The following AKAP13 variants were observed in gnomAD, a reference collection of about 807,000 sequenced individuals.
The protein encoded by AKAP13 is A-kinase anchor protein 13.
Under a neutral mutation model 264.5 loss-of-function variants are expected in AKAP13, and 80 were observed. The observed-to-expected ratio is 0.30, with a 90% CI of 0.25 to 0.36. The LOEUF (loss-of-function observed/expected upper bound fraction) is 0.36. Among genes scored for constraint, AKAP13 ranks in the 10% least tolerant of loss-of-function variants. The pLI is 1.00. For missense variants in AKAP13, 3,712 were observed against 3,435.2 expected (o/e 1.08, Z -2.01); for synonymous variants, 1,380 against 1,250.2 (o/e 1.10, Z -2.19).
intron 1 of AKAP13, among the ~76,000 whole-genome samples, chr15:85,422,866 T>G (rs1421667327): frequency 2.6e-5 from 4 of 152,246 alleles, no homozygotes; most frequent in Non-Finnish European, 5.9e-5. Flanking sequence ...AGTACAATAT[T>G]AATCTGCAGG....
chr15:85,684,724 T>G lies in AKAP13; in HGVS notation c.5157-17T>G. 1 of 1,599,492 alleles carries G rather than the reference T, an allele frequency of 6.3e-7. No homozygotes were observed. The highest frequency in any genetic ancestry group is 8.5e-7 in the Non-Finnish European group (1 of 1,175,628). ...TGTAGCCCTTTAAAAAAAATCAATC[T>G]TCTTGTTTTTATTTAGTATAACAGA... On this transcript the variant is annotated splice_polypyrimidine_tract_variant and intron_variant, in intron 15 of 36. Transcript: ENST00000394518.
At chr15:85,687,728 T>C (rs2085025110) in intron 16 of AKAP13, among the ~76,000 whole-genome samples, 1 of 150,858 alleles carries the variant, frequency 6.6e-6, no homozygotes, top group South Asian at 2.1e-4. Context: ...CTTTTGTCAA[T>C]GTAGCAAAAG....
At chr15:85,383,472 GATA>G (rs2070394026) in intron 1 of AKAP13, among the ~76,000 whole-genome samples, 1 of 152,188 alleles carries the variant, frequency 6.6e-6, no homozygotes, top group Non-Finnish European at 1.5e-5. Flanking sequence ...TAGCTGTAAT[GATA>G]ATAATTTTGG....
At chr15:85,682,404 TATTA>T (rs766843557) in intron 15 of AKAP13, among the ~76,000 whole-genome samples, 192 bp downstream of exon 15, 46 of 152,344 alleles carry the variant, frequency 3.0e-4, no homozygotes, top group African/African-American at 9.1e-4. Context: ...TCAGTAGTTT[TATTA>T]ATTATACTGT....
At chr15:85,681,709 A>G (rs1053400818) in intron 14 of AKAP13, among the ~76,000 whole-genome samples, 20 of 114,772 alleles carry the variant, frequency 1.7e-4, no homozygotes, top group African/African-American at 5.8e-4. Context: ...TTCTCATGAA[A>G]ATATTAGAGA....
chr15:85,418,537 A>G (rs1436801791), intron 1 of AKAP13, among the ~76,000 whole-genome samples: 1 of 152,226 alleles, frequency 6.6e-6, no homozygotes, highest in Non-Finnish European at 1.5e-5. Context: ...ATACCTGTGC[A>G]GTGGCCAGTA....
At chr15:85,736,934 T>TC (rs1263759111) in intron 33 of AKAP13, among the ~76,000 whole-genome samples, 5 of 138,936 alleles carry the variant, frequency 3.6e-5, no homozygotes, top group East Asian at 4.0e-4. Flanking sequence ...TTTTTTTTTT[T>TC]CTGGGGATGG....
intron 2 of AKAP13, among the ~76,000 whole-genome samples, chr15:85,499,991 A>C (rs958577803): frequency 1.3e-5 from 2 of 152,208 alleles, no homozygotes; most frequent in African/African-American, 4.8e-5. Context: ...TCCAAGTAGA[A>C]TTAAAGCTGT....
chr15:85,625,940 T>C (rs1432434255), intron 8 of AKAP13, among the ~76,000 whole-genome samples: 1 of 152,254 alleles, frequency 6.6e-6, no homozygotes, highest in East Asian at 1.9e-4. Flanking sequence ...GGAGATGTTT[T>C]GTAATCAACT....
intron 1 of AKAP13, among the ~76,000 whole-genome samples, chr15:85,421,910 G>A (rs2150901693): frequency 1.3e-5 from 2 of 152,328 alleles, no homozygotes; most frequent in East Asian, 1.9e-4. Flanking sequence ...CACCATTCGT[G>A]CTCCATAAGG....
At chr15:85,505,901 G>A (rs374557199) in intron 2 of AKAP13, among the ~76,000 whole-genome samples, 1 of 152,166 alleles carries the variant, frequency 6.6e-6, no homozygotes, top group East Asian at 1.9e-4. Context: ...ACTTCTTAAG[G>A]GCAACTGAGC....
intron 1 of AKAP13, among the ~76,000 whole-genome samples, chr15:85,420,192 C>G (rs796333434): frequency 6.6e-6 from 1 of 151,766 alleles, no homozygotes; most frequent in Non-Finnish European, 1.5e-5. Context: ...CCGCCCGCCT[C>G]GGCCTCCCAA....
chr15:85,627,897 T>A (rs143841946), intron 8 of AKAP13, among the ~76,000 whole-genome samples: 108 of 152,342 alleles, frequency 7.1e-4, no homozygotes, highest in Non-Finnish European at 1.0e-3. Flanking sequence ...TAGCTAGAAT[T>A]CCCTGCCTTA....
intron 8 of AKAP13, among the ~76,000 whole-genome samples, chr15:85,596,968 T>G (rs923887700): frequency 6.6e-6 from 1 of 152,156 alleles, no homozygotes; most frequent in Admixed American, 6.5e-5. Flanking sequence ...TAGTTAAAAA[T>G]TATGAATTAT....
In AKAP13 at chr15:85,580,410, C is replaced by G; in HGVS notation, c.2342C>G (p.Ser781Ter). 1 of 1,614,206 alleles carries G rather than the reference C, an allele frequency of 6.2e-7. No homozygotes were observed. Among genetic ancestry groups the G allele is most frequent in the Non-Finnish European group, 8.5e-7 (1 of 1,180,032 alleles). Residue 781 changes from serine (S) to a stop codon, truncating the protein, a stop_gained, in exon 7 of 37, where the codon TCA (serine) becomes TGA (stop). Transcript: ENST00000394518. LOFTEE classifies it high-confidence loss of function. ...CTGGTGCCAGACCAGGCAGTAATATCAGACAGTACTTTCTCTCTGGCAAAC... is the reference window on the plus strand; with the variant it reads ...CTGGTGCCAGACCAGGCAGTAATATGAGACAGTACTTTCTCTCTGGCAAAC... The part of the protein sequence containing the change: ...KELVPDQAVI[S>*]DSTFSLANSP...
chr15:85,613,005 A>G (rs1369510555), intron 8 of AKAP13, among the ~76,000 whole-genome samples: 2 of 152,270 alleles, frequency 1.3e-5, no homozygotes, highest in South Asian at 2.1e-4. Context: ...TCATTGTACT[A>G]TTATGAAGTA....
intron 14 of AKAP13, chr15:85,676,875 G>A (rs577583391): frequency 7.6e-6 from 7 of 924,302 alleles, no homozygotes; most frequent in East Asian, 1.2e-4. Context: ...AGCATTTCCC[G>A]GAACCGCATA....
intron 1 of AKAP13, among the ~76,000 whole-genome samples, chr15:85,417,599 A>C (rs1423919755): frequency 2.0e-5 from 3 of 152,214 alleles, no homozygotes; most frequent in Non-Finnish European, 4.4e-5. Flanking sequence ...CCCATTGATA[A>C]ACTTTGTGAG....
chr15:85,743,284 T>C (rs1221995535), intron 35 of AKAP13, among the ~76,000 whole-genome samples: 1 of 152,126 alleles, frequency 6.6e-6, no homozygotes, highest in Non-Finnish European at 1.5e-5. Context: ...GGCGATATTT[T>C]TAACATGTTT....
Sources: allele counts gnomAD v4.1 joint callset (sites outside exome capture counted in the v4.1 genomes callset), GRCh38; gene constraint gnomAD v4.1.1; transcripts MANE v1.5; gene names NCBI Gene and HGNC (gene_info 2026-07-23, HGNC 2026-07-21).